The following SEMA5A variants were observed in gnomAD, a reference collection of about 807,000 sequenced individuals.
SEMA5A encodes semaphorin-5A.
In SEMA5A, 55 loss-of-function variants were observed where a neutral mutation model predicts 135.5. The ratio of observed to expected loss-of-function variants is 0.41; its 90% CI spans 0.33 to 0.51. The LOEUF is 0.51. SEMA5A is among the 20% of genes least tolerant of loss of function. The pLI is 0.37. For synonymous variants in SEMA5A, 580 were observed against 546.5 expected (o/e 1.06, Z -0.85); for missense variants, 1,290 against 1,419.9 (o/e 0.91, Z 1.47).
chr5:9,172,450 A>C (rs1015612375), intron 11 of SEMA5A, among the ~76,000 whole-genome samples: 1 of 152,204 alleles, frequency 6.6e-6, no homozygotes, highest in African/African-American at 2.4e-5. Context: ...TAATCAAATG[A>C]TCACATCATT....
chr5:9,277,765 T>C (rs541535988), intron 5 of SEMA5A, among the ~76,000 whole-genome samples: 2 of 151,784 alleles, frequency 1.3e-5, no homozygotes, highest in African/African-American at 2.4e-5. Flanking sequence ...AGTTGAACAA[T>C]GAGAACACAT....
intron 1 of SEMA5A, among the ~76,000 whole-genome samples, chr5:9,461,115 T>C (rs1307761840): frequency 6.6e-6 from 1 of 152,236 alleles, no homozygotes; most frequent in Non-Finnish European, 1.5e-5. Flanking sequence ...TCGTTGGCTT[T>C]TCTCAAACAT....
At chr5:9,527,676 C>T (rs1344493478) in intron 1 of SEMA5A, among the ~76,000 whole-genome samples, 1 of 152,224 alleles carries the variant, frequency 6.6e-6, no homozygotes, top group Non-Finnish European at 1.5e-5. Context: ...CACTATGGAA[C>T]AGGCAATTTA....
At chr5:9,388,626 G>A (rs745546319) in intron 2 of SEMA5A, among the ~76,000 whole-genome samples, 8 of 152,168 alleles carry the variant, frequency 5.3e-5, no homozygotes, top group Non-Finnish European at 8.8e-5. Flanking sequence ...TAGGCCGCGC[G>A]TGGTGGCTCA....
chr5:9,208,455 G>A (rs1746170008), intron 8 of SEMA5A, among the ~76,000 whole-genome samples: 1 of 152,158 alleles, frequency 6.6e-6, no homozygotes, highest in South Asian at 2.1e-4. Flanking sequence ...AGCAGTGTGA[G>A]GAGACAAACA....
intron 16 of SEMA5A, among the ~76,000 whole-genome samples, chr5:9,079,216 G>A (rs185535247): frequency 1.4e-3 from 207 of 151,930 alleles, no homozygotes; most frequent in African/African-American, 4.5e-3. Context: ...ACAGTCTCTC[G>A]GACCACAGTG....
At chr5:9,383,623 A>C (rs974403145) in intron 2 of SEMA5A, among the ~76,000 whole-genome samples, 1 of 152,224 alleles carries the variant, frequency 6.6e-6, no homozygotes, top group African/African-American at 2.4e-5. Flanking sequence ...CATTATCTCC[A>C]AGAATGAGTG....
At chr5:9,161,688 G>A (rs1293924312) in intron 11 of SEMA5A, among the ~76,000 whole-genome samples, 2 of 152,236 alleles carry the variant, frequency 1.3e-5, no homozygotes, top group African/African-American at 4.8e-5. Context: ...GCTCTGGAGA[G>A]CCAGGTACTC....
intron 5 of SEMA5A, among the ~76,000 whole-genome samples, chr5:9,296,094 A>G (rs1358577923): frequency 6.6e-6 from 1 of 152,242 alleles, no homozygotes; most frequent in African/African-American, 2.4e-5. Flanking sequence ...TTAAAATCAC[A>G]AATACAATCA....
chr5:9,213,377 T>C (rs3846581), intron 8 of SEMA5A, among the ~76,000 whole-genome samples: 4,483 of 152,130 alleles, frequency 0.029, 238 homozygotes, highest in African/African-American at 0.1. Flanking sequence ...ATTGTAGTGG[T>C]GGGAGGAAAT....
At chr5:9,184,472 C>A (rs1435830943) in intron 11 of SEMA5A, among the ~76,000 whole-genome samples, 1 of 152,148 alleles carries the variant, frequency 6.6e-6, no homozygotes, top group Non-Finnish European at 1.5e-5. Flanking sequence ...TTCTTTGGTT[C>A]AAAGACACCA....
intron 11 of SEMA5A, among the ~76,000 whole-genome samples, chr5:9,162,382 ATGTGTG>A (rs1221606161): frequency 1.3e-4 from 17 of 129,018 alleles, no homozygotes; most frequent in African/African-American, 4.0e-4. Context: ...TCAAACAAAC[ATGTGTG>A]TGTGTGTGTG....
At chr5:9,195,454 G>A (rs1045893809) in intron 10 of SEMA5A, among the ~76,000 whole-genome samples, 2 of 152,210 alleles carry the variant, frequency 1.3e-5, no homozygotes, top group African/African-American at 4.8e-5. Flanking sequence ...TTATAGGCAT[G>A]AGCCTCTGGG....
intron 16 of SEMA5A, among the ~76,000 whole-genome samples, chr5:9,076,489 G>C (rs1566893): frequency 0.7 from 105,890 of 151,912 alleles, 38,169 homozygotes; most frequent in East Asian, 0.93. Flanking sequence ...TTCAGTATTT[G>C]ATAGCAGAGT....
intron 21 of SEMA5A, among the ~76,000 whole-genome samples, chr5:9,046,414 T>C (rs187688): frequency 0.9 from 136,636 of 152,242 alleles, 61,517 homozygotes; most frequent in East Asian, 0.96. Context: ...TTCTGAGCTG[T>C]CTTCCCTGTG....
chr5:9,357,133 A>G (rs1295140583), intron 3 of SEMA5A, among the ~76,000 whole-genome samples: 1 of 152,228 alleles, frequency 6.6e-6, no homozygotes, highest in Non-Finnish European at 1.5e-5. Context: ...TTGGCAAGCC[A>G]TTAAAAATCT....
rs375103990 is a variant in SEMA5A, at chr5:9,371,792, T to TA, written c.124+8030dup. 1.0e-3 allele frequency among the ~76,000 whole-genome samples: 158 copies of TA among 152,346 alleles called. 1 individual carries two copies. The highest frequency in any genetic ancestry group is 3.6e-3 in the African/African-American group (151 of 41,596). ...CACGTTTCCTCCCCAAGTAAACTCT[T>TA]AAGAGGATAAGTCATATCCTATTCT... On this transcript the variant is annotated intron_variant, in intron 3 of 22. Coordinates refer to ENST00000382496, the MANE Select transcript of SEMA5A (RefSeq NM_003966.3).
chr5:9,471,689 TGTTAA>T (rs756734766), intron 1 of SEMA5A, among the ~76,000 whole-genome samples: 15 of 152,256 alleles, frequency 9.9e-5, no homozygotes, highest in African/African-American at 2.7e-4. Context: ...AGTCAATGTT[TGTTAA>T]GTTGAGTAAC....
intron 1 of SEMA5A, among the ~76,000 whole-genome samples, chr5:9,514,107 G>A (rs1196676721): frequency 1.3e-5 from 2 of 152,052 alleles, no homozygotes; most frequent in African/African-American, 4.8e-5. Context: ...TGCCTCCCTG[G>A]GCTAGGGCTT....
Sources: gnomAD v4.1 joint callset for allele counts (sites outside exome capture counted in the v4.1 genomes callset) on GRCh38, gnomAD v4.1.1 for gene constraint, MANE v1.5 for transcripts, NCBI Gene and HGNC (gene_info 2026-07-23, HGNC 2026-07-21) for gene names.